The following CXCL13 variants were observed in gnomAD, a reference collection of about 807,000 sequenced individuals.
CXCL13 encodes the protein C-X-C motif chemokine ligand 13.
In CXCL13, 7 loss-of-function variants were observed where a neutral mutation model predicts 12.2. That is an observed-to-expected ratio of 0.57 (90% confidence interval 0.33 to 1.07). The LOEUF is 1.07. CXCL13 is among the 50% of genes least tolerant of loss of function. The pLI is 0.04. For synonymous variants in CXCL13, 47 were observed against 42.4 expected (o/e 1.11, Z -0.42); for missense variants, 113 against 127.4 (o/e 0.89, Z 0.55).
intron 1 of CXCL13, among the ~76,000 whole-genome samples, chr4:77,533,431 T>C (rs536071919): frequency 4.2e-4 from 64 of 152,298 alleles, no homozygotes; most frequent in African/African-American, 1.5e-3. Flanking sequence ...ATGTGAGGTG[T>C]CAGTCTGCCC....
chr4:77,539,947 A>G (rs2109800223), intron 1 of CXCL13, among the ~76,000 whole-genome samples: 1 of 152,284 alleles, frequency 6.6e-6, no homozygotes, highest in South Asian at 2.1e-4. Flanking sequence ...ACTCAAAACC[A>G]AGAGTCTCTA....
At chr4:77,563,826 G>T (rs1725867886) in intron 1 of CXCL13, among the ~76,000 whole-genome samples, 1 of 152,200 alleles carries the variant, frequency 6.6e-6, no homozygotes. Context: ...TGGGAGGAAT[G>T]AACAGGTGTC....
chr4:77,537,381 A>T (rs1172397469), intron 1 of CXCL13, among the ~76,000 whole-genome samples: 1 of 152,044 alleles, frequency 6.6e-6, no homozygotes, highest in Non-Finnish European at 1.5e-5. Flanking sequence ...ATCCCAACCT[A>T]CCTCTCCATC....
chr4:77,514,138 T>C (rs1724347341), intron 1 of CXCL13, among the ~76,000 whole-genome samples: 1 of 151,968 alleles, frequency 6.6e-6, no homozygotes, highest in South Asian at 2.1e-4. Context: ...CATGAACTCA[T>C]CATTTTTTAT....
intron 1 of CXCL13, among the ~76,000 whole-genome samples, chr4:77,512,286 AT>A (rs1445905707): frequency 6.6e-6 from 1 of 152,196 alleles, no homozygotes; most frequent in Non-Finnish European, 1.5e-5. Context: ...TTTGTAGTTA[AT>A]TTTATAGAAG....
At chr4:77,569,696 C>T (rs1180293681) in intron 1 of CXCL13, among the ~76,000 whole-genome samples, 1 of 152,208 alleles carries the variant, frequency 6.6e-6, no homozygotes, top group Non-Finnish European at 1.5e-5. Context: ...AATGGTCATA[C>T]TGCCCAAAGC....
chr4:77,550,018 C>T (rs1422107831), intron 1 of CXCL13, among the ~76,000 whole-genome samples: 1 of 152,226 alleles, frequency 6.6e-6, no homozygotes, highest in Non-Finnish European at 1.5e-5. Flanking sequence ...TTCCTAGCTG[C>T]TTTGTTTACT....
intron 1 of CXCL13, among the ~76,000 whole-genome samples, chr4:77,527,208 A>T (rs1724789131): frequency 6.6e-6 from 1 of 152,112 alleles, no homozygotes; most frequent in Non-Finnish European, 1.5e-5. Context: ...CTGTACACCG[A>T]TTGGAACAGC....
At chr4:77,580,288 T>A (rs1446202988) in intron 1 of CXCL13, among the ~76,000 whole-genome samples, 1 of 129,236 alleles carries the variant, frequency 7.7e-6, no homozygotes, top group Non-Finnish European at 1.6e-5. Context: ...ATATATTTTT[T>A]AAAAAGACAA....
intron 1 of CXCL13, among the ~76,000 whole-genome samples, chr4:77,530,769 T>C (rs2110084474): frequency 6.6e-6 from 1 of 152,312 alleles, no homozygotes; most frequent in South Asian, 2.1e-4. Flanking sequence ...TGTGTCTCTA[T>C]TTCCTTCAGT....
chr4:77,533,688 C>T (rs1417932901), intron 1 of CXCL13, among the ~76,000 whole-genome samples: 3 of 152,178 alleles, frequency 2.0e-5, no homozygotes, highest in African/African-American at 4.8e-5. Flanking sequence ...CCACTCAGTT[C>T]GAGCTACCAG....
At chr4:77,595,887 T>C (rs1026176221) in intron 1 of CXCL13, among the ~76,000 whole-genome samples, 4 of 152,160 alleles carry the variant, frequency 2.6e-5, no homozygotes, top group Admixed American at 1.3e-4. Flanking sequence ...CCTAAGACAA[T>C]GTCCCCTGGG....
intron 1 of CXCL13, among the ~76,000 whole-genome samples, chr4:77,549,959 G>A (rs144574550): frequency 2.0e-5 from 3 of 152,228 alleles, no homozygotes; most frequent in Non-Finnish European, 4.4e-5. Flanking sequence ...GGAGTCTACA[G>A]AGGCAGGCAG....
In CXCL13 at chr4:77,523,788, G is replaced by T. The variant is rs116642825; in HGVS notation, c.-43+12000G>T. ...CCTGCAAACCTTTGGAGGAGAAGAGGTCCTCTGGTTTTTAGAATTTTCAGC... is the reference window on the plus strand; with the variant it reads ...CCTGCAAACCTTTGGAGGAGAAGAGTTCCTCTGGTTTTTAGAATTTTCAGC... On this transcript the variant is annotated intron_variant, in intron 1 of 4. Coordinates refer to the CXCL13 transcript ENST00000286758. Among the ~76,000 whole-genome samples the T allele has an allele frequency of 6.0e-3, 919 of 152,296 alleles. 11 individuals carry two copies. The highest frequency in any genetic ancestry group is 8.3e-3 in the Non-Finnish European group (562 of 68,022).
intron 1 of CXCL13, among the ~76,000 whole-genome samples, chr4:77,581,730 A>G (rs750117758): frequency 5.3e-5 from 8 of 151,756 alleles, no homozygotes; most frequent in Non-Finnish European, 7.4e-5. Context: ...TTTTCCCACT[A>G]TCCTCTCCCC....
chr4:77,583,157 G>A (rs1278400916), intron 1 of CXCL13, among the ~76,000 whole-genome samples: 1 of 152,204 alleles, frequency 6.6e-6, no homozygotes, highest in Non-Finnish European at 1.5e-5. Context: ...AGATTAAGGT[G>A]GCCATTGGGA....
intron 1 of CXCL13, among the ~76,000 whole-genome samples, chr4:77,577,626 A>G (rs1398364019): frequency 6.6e-6 from 1 of 152,200 alleles, no homozygotes; most frequent in Non-Finnish European, 1.5e-5. Flanking sequence ...GTCAGAGTGG[A>G]TATTCCCACC....
chr4:77,525,916 GTTT>G (rs1287396463), intron 1 of CXCL13, among the ~76,000 whole-genome samples: 148 of 137,214 alleles, frequency 1.1e-3, no homozygotes, highest in African/African-American at 3.8e-3. Context: ...TAAATTGTGG[GTTT>G]GTTTTTTTTT....
intron 1 of CXCL13, among the ~76,000 whole-genome samples, chr4:77,521,849 G>C (rs759678842): frequency 2.0e-5 from 3 of 152,054 alleles, no homozygotes; most frequent in Non-Finnish European, 4.4e-5. Flanking sequence ...TGGGCATTTA[G>C]TGCTATAAAT....
Sources: gnomAD v4.1 joint callset for allele counts (sites outside exome capture counted in the v4.1 genomes callset) on GRCh38, gnomAD v4.1.1 for gene constraint, MANE v1.5 for transcripts, NCBI Gene and HGNC (gene_info 2026-07-23, HGNC 2026-07-21) for gene names.